GNB4: variants seen among roughly 807,000 people sequenced by gnomAD.
GNB4 encodes the protein G protein subunit beta 4.
Under a neutral mutation model 45.2 loss-of-function variants are expected in GNB4, and 28 were observed. That is an observed-to-expected ratio of 0.62 (90% confidence interval 0.46 to 0.85). The LOEUF is 0.85. Among genes scored for constraint, GNB4 ranks in the 40% least tolerant of loss-of-function variants. The probability of loss-of-function intolerance (pLI) is 0.00; values close to 1 mark genes in which losing one functional copy is unlikely to be tolerated. For synonymous variants in GNB4, 132 were observed against 143.7 expected, an observed-to-expected ratio of 0.92 and a Z score of 0.58; for missense variants, 321 against 425.4, an observed-to-expected ratio of 0.75 and a Z score of 2.16.
chr3:179,402,779 G>A (rs1714340230), intron 9 of GNB4, among the ~76,000 whole-genome samples: 1 of 152,188 alleles, frequency 6.6e-6, no homozygotes. Context: ...ACAGGTAGGG[G>A]CAAAGGCAGA....
At chr3:179,470,405 G>A in the GNB4 span, among the ~76,000 whole-genome samples, 7 of 151,656 alleles carry the variant, frequency 4.6e-5, no homozygotes, top group East Asian at 1.4e-3. Flanking sequence ...CCCCAACCCT[G>A]TGTAGGCCTA....
intron 8 of GNB4, among the ~76,000 whole-genome samples, chr3:179,409,964 A>C (rs1052275621): frequency 6.6e-6 from 1 of 152,114 alleles, no homozygotes; most frequent in African/African-American, 2.4e-5. Context: ...GTGGAAGGTA[A>C]CTGAATCATG....
the GNB4 span, among the ~76,000 whole-genome samples, chr3:179,493,781 G>A: frequency 1.6e-4 from 25 of 152,168 alleles, no homozygotes; most frequent in Admixed American, 1.4e-3. Flanking sequence ...TGAGGCAGAG[G>A]TGTAGGGAAA....
chr3:179,436,334 G>A (rs556864739), intron 1 of GNB4, among the ~76,000 whole-genome samples: 44 of 152,286 alleles, frequency 2.9e-4, no homozygotes, highest in African/African-American at 9.9e-4. Context: ...AGGTTGCGGT[G>A]AGCCGAGATC....
the GNB4 span, among the ~76,000 whole-genome samples, chr3:179,467,774 GT>G: frequency 6.6e-6 from 1 of 151,916 alleles, no homozygotes; most frequent in East Asian, 1.9e-4. Flanking sequence ...TGAGGAATAG[GT>G]TTGCTTCATG....
the GNB4 span, among the ~76,000 whole-genome samples, chr3:179,525,646 C>G: frequency 6.6e-6 from 1 of 152,156 alleles, no homozygotes; most frequent in African/African-American, 2.4e-5. Context: ...GGATTAAACA[C>G]CAAGGGAAGA....
At chr3:179,504,245 T>A in the GNB4 span, among the ~76,000 whole-genome samples, 1 of 152,166 alleles carries the variant, frequency 6.6e-6, no homozygotes, top group Non-Finnish European at 1.5e-5. Flanking sequence ...TAACTATATA[T>A]CACCTTCTCC....
chr3:179,499,585 A>G, the GNB4 span, among the ~76,000 whole-genome samples: 1 of 152,258 alleles, frequency 6.6e-6, no homozygotes, highest in Non-Finnish European at 1.5e-5. Flanking sequence ...AGAATGATTT[A>G]TAATCCTTTG....
chr3:179,491,005 C>T, the GNB4 span, among the ~76,000 whole-genome samples: 26 of 152,232 alleles, frequency 1.7e-4, no homozygotes, highest in East Asian at 3.1e-3. Flanking sequence ...TGAAAAAAGA[C>T]GATCAATGGA....
At chr3:179,432,788 A>G (rs1447371440) in intron 1 of GNB4, among the ~76,000 whole-genome samples, 1 of 152,220 alleles carries the variant, frequency 6.6e-6, no homozygotes, top group Non-Finnish European at 1.5e-5. Context: ...AGCAGAAGAG[A>G]AAGTCATCTA....
rs117207898 is a variant in GNB4, at chr3:179,448,430, T to A, written c.-43+2916A>T. ...CTACTACACAGAGTTCAAGATTATT[T>A]TTTCAGTTCTTTAATCTTTAATCCT... On this transcript the variant is annotated intron_variant, in intron 1 of 9. Coordinates refer to ENST00000232564, the MANE Select transcript of GNB4 (RefSeq NM_021629.4). Among the ~76,000 whole-genome samples, 66 of 152,292 alleles carry A rather than the reference T, an allele frequency of 4.3e-4. 1 individual carries two copies. The East Asian group carries it at 0.011, about 26-fold the overall frequency.
chr3:179,457,904 C>CTT, the GNB4 span, among the ~76,000 whole-genome samples: 9 of 137,908 alleles, frequency 6.5e-5, no homozygotes, highest in Non-Finnish European at 7.9e-5. Context: ...CATTTTAGTT[C>CTT]TTTTTTTTTT....
chr3:179,422,486 C>A (rs371313751), intron 2 of GNB4, among the ~76,000 whole-genome samples: 7 of 148,442 alleles, frequency 4.7e-5, no homozygotes, highest in Admixed American at 1.3e-4. Context: ...CAAAACAAAA[C>A]AAAAAAAAGA....
chr3:179,480,749 A>G, the GNB4 span, among the ~76,000 whole-genome samples: 3 of 152,146 alleles, frequency 2.0e-5, no homozygotes, highest in Non-Finnish European at 1.5e-5. Context: ...TCTTGCCCAT[A>G]GAATTTATCT....
chr3:179,411,712 C>G (rs772264451), intron 8 of GNB4, among the ~76,000 whole-genome samples: 3 of 152,190 alleles, frequency 2.0e-5, no homozygotes, highest in Non-Finnish European at 4.4e-5. Context: ...TGGCCTACGG[C>G]AAAGAGGTGG....
At position 179,403,222 on chromosome 3, in the gene GNB4, G is replaced by T. The variant is rs186149689; in HGVS notation, c.917-1903C>A. ...GCCCAGAGCTTCAAATGGTTTTAGT[G>T]CCTCGCTCTTAAGTATGAATAAGAA... On this transcript the variant is annotated intron_variant, in intron 9 of 9. Transcript: ENST00000232564. 7.0e-3 allele frequency among the ~76,000 whole-genome samples: 1,068 copies of T among 151,906 alleles called. 9 individuals are homozygous for T. Among genetic ancestry groups the T allele is most frequent in the Middle Eastern group, 0.027 (8 of 294 alleles).
the GNB4 span, among the ~76,000 whole-genome samples, chr3:179,524,010 C>A: frequency 6.6e-6 from 1 of 152,108 alleles, no homozygotes; most frequent in Non-Finnish European, 1.5e-5. Flanking sequence ...AGAAGCCTGG[C>A]CATCAATACC....
chr3:179,469,392 T>C, the GNB4 span, among the ~76,000 whole-genome samples: 3 of 152,194 alleles, frequency 2.0e-5, no homozygotes, highest in African/African-American at 4.8e-5. Flanking sequence ...ATAAATCACA[T>C]ATGAAAGAGT....
At position 179,401,121 on chromosome 3, in the gene GNB4, C is replaced by T; in HGVS notation, c.*92G>A. On this transcript the variant is annotated 3_prime_UTR_variant, in exon 10 of 10. Coordinates refer to ENST00000232564, the MANE Select transcript of GNB4 (RefSeq NM_021629.4). ...GATAATCTAATAGAAAAATCTTCAC[C>T]TGCAAATATAAGGTAGAATTTTTTC... The T allele has an allele frequency of 1.4e-6, 1 of 710,748 alleles. No individual in the cohort carries two copies. Among genetic ancestry groups the T allele is most frequent in the Non-Finnish European group, 2.1e-6 (1 of 478,106 alleles). The allele number at this position is 710,748 out of a possible 1,614,324, so 44.0% of individuals were successfully genotyped here.
Sources: gnomAD v4.1 joint callset for allele counts (sites outside exome capture counted in the v4.1 genomes callset) on GRCh38, gnomAD v4.1.1 for gene constraint, MANE v1.5 for transcripts, NCBI Gene and HGNC (gene_info 2026-07-23, HGNC 2026-07-21) for gene names.